MSN: variants seen among roughly 807,000 people sequenced by gnomAD.
MSN encodes epididymis luminal protein 70.
A neutral mutation model predicts 48.0 loss-of-function variants in MSN; 2 were observed. The observed-to-expected ratio is 0.04, with a 90% CI of 0.02 to 0.13. The LOEUF (loss-of-function observed/expected upper bound fraction) is 0.13. MSN is among the 10% of genes least tolerant of loss of function. The probability of loss-of-function intolerance (pLI) is 1.00; values close to 1 mark genes in which losing one functional copy is unlikely to be tolerated. For synonymous variants in MSN, 146 were observed against 166.9 expected, an observed-to-expected ratio of 0.87 and a Z score of 0.97; for missense variants, 267 against 470.1, an observed-to-expected ratio of 0.57 and a Z score of 3.99.
chrX:65,634,350 C>A (rs751102077), intron 1 of MSN, among the ~76,000 whole-genome samples: 1 of 112,675 alleles, frequency 8.9e-6, no homozygotes, highest in East Asian at 2.8e-4. Flanking sequence ...CGGTGGCTCA[C>A]GCCTGTAATC....
At chrX:65,702,309 G>A (rs1225143151) in intron 1 of MSN, among the ~76,000 whole-genome samples, 7 of 106,825 alleles carry the variant, frequency 6.6e-5, no homozygotes, top group Non-Finnish European at 9.7e-5. Context: ...CACCGCACCC[G>A]GCCTTTCAGT....
intron 1 of MSN, among the ~76,000 whole-genome samples, chrX:65,627,759 A>C (rs1422169342): frequency 8.9e-6 from 1 of 111,914 alleles, no homozygotes; most frequent in Non-Finnish European, 1.9e-5. Flanking sequence ...AAAAGTCCAT[A>C]GTCCAAAGTC....
intron 1 of MSN, among the ~76,000 whole-genome samples, chrX:65,643,191 C>T (rs978314355): frequency 3.7e-4 from 41 of 111,648 alleles, no homozygotes; most frequent in African/African-American, 1.3e-3. Context: ...GATACCTCCC[C>T]AATGTCTGAT....
chrX:65,733,629 G>T (rs2147515330), intron 7 of MSN, among the ~76,000 whole-genome samples: 1 of 112,017 alleles, frequency 8.9e-6, no homozygotes, highest in Admixed American at 9.4e-5. Context: ...AAGCCCCTGG[G>T]TCCCAGAAAG....
chrX:65,604,737 C>G (rs2070264480), intron 1 of MSN, among the ~76,000 whole-genome samples: 1 of 111,978 alleles, frequency 8.9e-6, no homozygotes, highest in Admixed American at 9.5e-5. Flanking sequence ...CTTCACCTGT[C>G]ATATTCAATC....
chrX:65,685,768 TAG>T (rs2071109104), intron 1 of MSN, among the ~76,000 whole-genome samples: 1 of 111,684 alleles, frequency 9.0e-6, no homozygotes, highest in Non-Finnish European at 1.9e-5. Context: ...ATATTTTTAG[TAG>T]AGACAGGTTT....
intron 1 of MSN, among the ~76,000 whole-genome samples, chrX:65,590,712 C>A (rs981799101): frequency 9.0e-6 from 1 of 111,051 alleles, no homozygotes; most frequent in African/African-American, 3.3e-5. Flanking sequence ...ACACTGTTTG[C>A]CATGTGTACC....
At chrX:65,614,390 T>G (rs1318504642) in intron 1 of MSN, among the ~76,000 whole-genome samples, 1 of 110,986 alleles carries the variant, frequency 9.0e-6, no homozygotes, top group Non-Finnish European at 1.9e-5. Context: ...TAAAGTAGTT[T>G]TTTTTCTAAT....
chrX:65,698,513 T>C (rs2071269519), intron 1 of MSN, among the ~76,000 whole-genome samples: 1 of 112,533 alleles, frequency 8.9e-6, no homozygotes, highest in African/African-American at 3.2e-5. Flanking sequence ...AATGGCTCCT[T>C]AGCTGAGGTG....
intron 1 of MSN, among the ~76,000 whole-genome samples, chrX:65,700,828 C>T (rs1346532337): frequency 8.9e-6 from 1 of 111,762 alleles, no homozygotes; most frequent in Non-Finnish European, 1.9e-5. Flanking sequence ...TACTGTTTGC[C>T]AATTCCCATG....
intron 1 of MSN, among the ~76,000 whole-genome samples, chrX:65,654,351 G>A (rs2070766400): frequency 9.2e-6 from 1 of 108,113 alleles, no homozygotes; most frequent in African/African-American, 3.4e-5. Context: ...TTGATCTCCT[G>A]ACCTCGTGAT....
At chrX:65,654,055 C>T (rs1444753925) in intron 1 of MSN, among the ~76,000 whole-genome samples, 2 of 106,933 alleles carry the variant, frequency 1.9e-5, no homozygotes, top group African/African-American at 3.4e-5. Flanking sequence ...GGATTACATG[C>T]GTGAGCCACT....
chrX:65,661,595 G>C (rs2070824363), intron 1 of MSN, among the ~76,000 whole-genome samples: 1 of 112,149 alleles, frequency 8.9e-6, no homozygotes, highest in South Asian at 3.7e-4. Flanking sequence ...GTCTCTGCCA[G>C]ATTTTGGTAT....
intron 1 of MSN, among the ~76,000 whole-genome samples, chrX:65,693,595 A>G (rs918509842): frequency 2.7e-5 from 3 of 112,099 alleles, no homozygotes; most frequent in African/African-American, 9.7e-5. Flanking sequence ...TGGGGGGCCT[A>G]GAGTCTCATC....
chrX:65,648,072 T>C (rs751129273), intron 1 of MSN, among the ~76,000 whole-genome samples: 3 of 107,765 alleles, frequency 2.8e-5, no homozygotes, highest in Non-Finnish European at 5.8e-5. Context: ...GCAGACAGAT[T>C]TGAAAGTTTT....
intron 1 of MSN, chrX:65,593,537 A>AT (rs1314714959): frequency 9.0e-6 from 1 of 111,447 alleles, no homozygotes. Flanking sequence ...TTATAGACAA[A>AT]TTATTTTATT....
At chrX:65,636,776 C>CAAAAAAAAAAAAAAAAAA (rs2070604946) in intron 1 of MSN, among the ~76,000 whole-genome samples, 3 of 82,891 alleles carry the variant, frequency 3.6e-5, no homozygotes, top group African/African-American at 1.8e-4. Flanking sequence ...AAAAAAAAAC[C>CAAAAAAAAAAAAAAAAAA]AGAAAGAAAG....
chrX:65,705,244 A>G (rs905249239), intron 1 of MSN, among the ~76,000 whole-genome samples: 2 of 111,345 alleles, frequency 1.8e-5, no homozygotes, highest in Non-Finnish European at 3.8e-5. Context: ...TGGACTGTTT[A>G]TTTTCTTAGA....
At chrX:65,609,881 T>TA (rs746442693) in intron 1 of MSN, among the ~76,000 whole-genome samples, 100 of 102,204 alleles carry the variant, frequency 9.8e-4, no homozygotes, top group African/African-American at 2.4e-3. Context: ...AGACTCCACC[T>TA]AAAAAAAAAA....
Sources: gnomAD v4.1 joint callset for allele counts (sites outside exome capture counted in the v4.1 genomes callset) on GRCh38, gnomAD v4.1.1 for gene constraint, MANE v1.5 for transcripts, NCBI Gene and HGNC (gene_info 2026-07-23, HGNC 2026-07-21) for gene names.